Variants in IGHMBP2 observed in about 807,000 individuals in gnomAD.
IGHMBP2 encodes the protein immunoglobulin mu DNA binding protein 2.
A neutral mutation model predicts 96.0 loss-of-function variants in IGHMBP2; 81 were observed. The observed-to-expected ratio is 0.84, with a 90% CI of 0.71 to 1.01. The LOEUF (loss-of-function observed/expected upper bound fraction) is 1.01. Ranked by LOEUF, IGHMBP2 falls within the 50% of genes least tolerant of loss-of-function variation. The pLI is 0.00. For missense variants in IGHMBP2, 1,227 were observed against 1,306.3 expected (o/e 0.94, Z 0.94); for synonymous variants, 557 against 548.9 (o/e 1.01, Z -0.21).
chr11:68,908,396 T>C, intron 3 of IGHMBP2, 59 bp downstream of exon 3: 4 of 1,538,990 alleles, frequency 2.6e-6, no homozygotes, highest in Middle Eastern at 3.4e-4. Flanking sequence ...GCTAATCCAT[T>C]CTTACATGCC....
At chr11:68,909,179 G>C (rs933838503) in intron 4 of IGHMBP2, among the ~76,000 whole-genome samples, 1 of 116,334 alleles carries the variant, frequency 8.6e-6, no homozygotes, top group African/African-American at 3.2e-5. Flanking sequence ...TTTTTGGCGG[G>C]GGGGGTGGAG....
At chr11:68,926,922 C>T (rs532772844) in intron 7 of IGHMBP2, among the ~76,000 whole-genome samples, 6 of 152,100 alleles carry the variant, frequency 3.9e-5, no homozygotes, top group South Asian at 2.1e-4. Flanking sequence ...TCCACCACCA[C>T]GCCTGGCTGA....
Position 68,939,820 on chromosome 11 carries a change from G to A in IGHMBP2, c.*89G>A. 7.3e-7 allele frequency: 1 copy of A among 1,376,436 alleles called. No homozygotes were observed. Among genetic ancestry groups the A allele is most frequent in the Admixed American group, 2.1e-5 (1 of 47,780 alleles). 85.3% of individuals were successfully genotyped at this position (1,376,436 alleles called of 1,614,324 possible). A position where few individuals can be genotyped will look rare whatever the true frequency, so the allele number is the denominator to read the frequency against. ...ATGCTCCGCCTCCACCAGGGCCACA[G>A]AGGAGCGGAGGGGCCTATGGGGGAG... On this transcript the variant is annotated 3_prime_UTR_variant, in exon 15 of 15. Coordinates refer to ENST00000255078, the MANE Select transcript of IGHMBP2 (RefSeq NM_002180.3).
chr11:68,936,720 C>G lies in IGHMBP2; in HGVS notation c.2240C>G (p.Pro747Arg), dbSNP rs778723699. 1.2e-6 allele frequency: 2 copies of G among 1,614,122 alleles called. No individual in the cohort carries two copies. Among genetic ancestry groups the G allele is most frequent in the South Asian group, 2.2e-5 (2 of 91,092 alleles). The change falls in exon 13 of 15, where the codon CCT becomes CGT. Residue 747 changes from proline (P) to arginine (R), a missense_variant. Around this residue, in one of 3 missense-constraint regions of IGHMBP2, gnomAD observed 703 missense variants for 770.3 expected, o/e 0.91. Coordinates refer to ENST00000255078, the MANE Select transcript of IGHMBP2 (RefSeq NM_002180.3). Reference sequence around the variant, plus strand: ...AGCAAGAAGATGCAGTTGGAGTTTCCTCCTTCCCTCAATTCCCACGACAGG... The same window carrying G: ...AGCAAGAAGATGCAGTTGGAGTTTCGTCCTTCCCTCAATTCCCACGACAGG... Reference protein sequence around the residue: ...MASKKMQLEFPPSLNSHDRLR... With the variant: ...MASKKMQLEFRPSLNSHDRLR...
In IGHMBP2 at chr11:68,939,724, G is replaced by A. The variant is rs886048608; in HGVS notation, c.2975G>A (p.Gly992Glu). ...AGGACCAGCCGGAGGAAGGAGAGGG[G>A]GACGTGACCGGCCGCATCCTTGCAC... ...NQRTSRRKERGT is the reference protein window; with the variant it reads ...NQRTSRRKERET Residue 992 changes from glycine (G) to glutamate (E), a missense_variant, in exon 15 of 15, where the codon GGG becomes GAG. Physicochemically the swap from Gly to Glu is moderately conservative, Grantham distance 98. Transcript: ENST00000255078. The A allele has an allele frequency of 1.2e-6, 2 of 1,608,610 alleles. No individual in the cohort carries two copies. Among genetic ancestry groups the A allele is most frequent in the Non-Finnish European group, 1.7e-6 (2 of 1,178,238 alleles).
At position 68,939,785 on chromosome 11, in the gene IGHMBP2, C is replaced by A; in HGVS notation, c.*54C>A. 1 of 1,534,638 alleles carries A rather than the reference C, an allele frequency of 6.5e-7. No individual in the cohort carries two copies. Among genetic ancestry groups the A allele is most frequent in the Non-Finnish European group, 8.8e-7 (1 of 1,130,468 alleles). On this transcript the variant is annotated 3_prime_UTR_variant, in exon 15 of 15. Coordinates refer to ENST00000255078, the MANE Select transcript of IGHMBP2 (RefSeq NM_002180.3). ...GCTCTCTCCATGGTAGCCCAGGGCGCTGGCAGACCATGCTCCGCCTCCACC... is the reference window on the plus strand; with the variant it reads ...GCTCTCTCCATGGTAGCCCAGGGCGATGGCAGACCATGCTCCGCCTCCACC...
At chr11:68,937,208 C>A in intron 13 of IGHMBP2, 117 bp downstream of exon 13, 2 of 1,310,370 alleles carry the variant, frequency 1.5e-6, no homozygotes, top group Non-Finnish European at 2.2e-6. Flanking sequence ...GCACCGTGCC[C>A]GTGTCATTTT....
At chr11:68,926,589 A>T (rs1470523071) in intron 7 of IGHMBP2, among the ~76,000 whole-genome samples, 1 of 151,900 alleles carries the variant, frequency 6.6e-6, no homozygotes, top group Non-Finnish European at 1.5e-5. Context: ...CTTTTTAAAA[A>T]ATTATTCCTG....
At chr11:68,909,165 T>A (rs527729632) in intron 4 of IGHMBP2, among the ~76,000 whole-genome samples, 1,337 of 103,466 alleles carry the variant, frequency 0.013, 10 homozygotes, top group Non-Finnish European at 0.018. Flanking sequence ...GTTAAAAAAA[T>A]TTTTTTTTGG....
intron 5 of IGHMBP2, 60 bp from the exon 6 acceptor site, chr11:68,914,763 T>C (rs999000745): frequency 8.2e-5 from 128 of 1,556,982 alleles, no homozygotes; most frequent in Non-Finnish European, 1.2e-5. Flanking sequence ...GTTGTTTTAG[T>C]GTCAACTTCA....
At chr11:68,914,016 T>C (rs1448054839) in intron 5 of IGHMBP2, among the ~76,000 whole-genome samples, 2 of 152,142 alleles carry the variant, frequency 1.3e-5, no homozygotes, top group African/African-American at 4.8e-5. Flanking sequence ...TAGGGGTTTA[T>C]ATAACAGGGA....
Position 68,939,986 on chromosome 11 carries a change from T to C in IGHMBP2, c.*255T>C, listed in dbSNP as rs564244. On this transcript the variant is annotated 3_prime_UTR_variant, in exon 15 of 15. Transcript: ENST00000255078. ...TTGGGAAATGCACGTCCCTTCCCCT[T>C]ACTCCCCGCCAAAACCCACATCCCA... 409,302 of 522,280 alleles carry C rather than the reference T, an allele frequency of 0.78. 163,003 individuals are homozygous for C. Among genetic ancestry groups the C allele is most frequent in the Non-Finnish European group, 0.84 (246,903 of 292,942 alleles). 32.4% of individuals were successfully genotyped at this position (522,280 alleles called of 1,614,324 possible). A position where few individuals can be genotyped will look rare whatever the true frequency, so the allele number is the denominator to read the frequency against.
intron 1 of IGHMBP2, among the ~76,000 whole-genome samples, chr11:68,905,169 C>G (rs1160872145): frequency 1.3e-5 from 2 of 152,154 alleles, no homozygotes; most frequent in Non-Finnish European, 2.9e-5. Context: ...TAACTTGCCC[C>G]GGGGTGACAC....
chr11:68,939,729 T>C lies in IGHMBP2; in HGVS notation c.2980T>C (p.Ter994ArgextTer113). Residue 994 changes from the stop codon to arginine (R), a stop_lost, in exon 15 of 15, where the codon TGA (stop) becomes CGA (arginine). Coordinates refer to ENST00000255078, the MANE Select transcript of IGHMBP2 (RefSeq NM_002180.3). ...CAGCCGGAGGAAGGAGAGGGGGACGTGACCGGCCGCATCCTTGCACGCCCC... is the reference window on the plus strand; with the variant it reads ...CAGCCGGAGGAAGGAGAGGGGGACGCGACCGGCCGCATCCTTGCACGCCCC... ...RTSRRKERGT* is the reference protein window; with the variant it reads ...RTSRRKERGTR The C allele has an allele frequency of 6.2e-7, 1 of 1,607,540 alleles. No homozygotes were observed. Among genetic ancestry groups the C allele is most frequent in the South Asian group, 1.1e-5 (1 of 90,000 alleles).
chr11:68,936,570 C>T lies in IGHMBP2; in HGVS notation c.2090C>T (p.Pro697Leu), dbSNP rs77807333. 112 of 1,611,770 alleles carry T rather than the reference C, an allele frequency of 6.9e-5. No homozygotes were observed. Among genetic ancestry groups the T allele is most frequent in the Middle Eastern group, 1.7e-4 (1 of 6,056 alleles). ...AAPARQGRKK[P>L]AGKSLASEAP... ...CCTGCCAGACAGGGCCGGAAGAAGCCGGCTGGGAAGTCTCTGGCCTCTGAA... is the reference window on the plus strand; with the variant it reads ...CCTGCCAGACAGGGCCGGAAGAAGCTGGCTGGGAAGTCTCTGGCCTCTGAA... Residue 697 changes from proline to leucine, a missense_variant, in exon 13 of 15, where the codon CCG (proline) becomes CTG (leucine). Pro to Leu is a moderately conservative substitution (Grantham distance 98). Coordinates refer to ENST00000255078, the MANE Select transcript of IGHMBP2 (RefSeq NM_002180.3).
chr11:68,904,053 C>G lies in IGHMBP2; in HGVS notation c.86+15C>G. 2.6e-6 allele frequency: 4 copies of G among 1,544,692 alleles called. No homozygotes were observed. Among genetic ancestry groups the G allele is most frequent in the Non-Finnish European group, 3.5e-6 (4 of 1,142,304 alleles). Reference sequence around the variant, plus strand: ...GAGGAGCGCAGGTACGGGAGGCCGCCGGCGCCGCTCCCTCGCGGTCGGTCC... The same window carrying G: ...GAGGAGCGCAGGTACGGGAGGCCGCGGGCGCCGCTCCCTCGCGGTCGGTCC... On this transcript the variant is annotated intron_variant, in intron 1 of 14. Coordinates refer to ENST00000255078, the MANE Select transcript of IGHMBP2 (RefSeq NM_002180.3).
chr11:68,909,224 G>A (rs1329221132), intron 4 of IGHMBP2, among the ~76,000 whole-genome samples: 1 of 147,012 alleles, frequency 6.8e-6, no homozygotes, highest in East Asian at 2.0e-4. Flanking sequence ...CTGTCACCCA[G>A]ACTGGAGTAT....
At chr11:68,910,767 C>T (rs554383319) in intron 4 of IGHMBP2, among the ~76,000 whole-genome samples, 2 of 152,048 alleles carry the variant, frequency 1.3e-5, no homozygotes, top group South Asian at 4.1e-4. Flanking sequence ...CCTGTAGTCC[C>T]AGCTACTCTG....
intron 1 of IGHMBP2, among the ~76,000 whole-genome samples, chr11:68,904,928 G>C (rs1858128059): frequency 1.3e-5 from 2 of 151,610 alleles, no homozygotes; most frequent in Non-Finnish European, 2.9e-5. Context: ...CCTCCTGAGT[G>C]GCTGGGACTA....
Sources: gnomAD v4.1 joint callset for allele counts (sites outside exome capture counted in the v4.1 genomes callset) on GRCh38, gnomAD v4.1.1 for gene constraint, gnomAD v4.1.1 regional missense constraint, MANE v1.5 for transcripts, NCBI Gene and HGNC (gene_info 2026-07-23, HGNC 2026-07-21) for gene names.